Variants in MBD1 observed in about 807,000 individuals in gnomAD.
The protein encoded by MBD1 is methyl-CpG binding domain protein 1.
A neutral mutation model predicts 82.6 loss-of-function variants in MBD1; 25 were observed. The ratio of observed to expected loss-of-function variants is 0.30; its 90% CI spans 0.22 to 0.42. The LOEUF is 0.42. Among genes scored for constraint, MBD1 ranks in the 10% least tolerant of loss-of-function variants. The pLI is 1.00. For missense variants in MBD1, 627 were observed against 819.6 expected, an observed-to-expected ratio of 0.76 and a Z score of 2.87; for synonymous variants, 301 against 303.7, an observed-to-expected ratio of 0.99 and a Z score of 0.09.
At chr18:50,280,959 C>G (rs574163690) in intron 1 of MBD1, among the ~76,000 whole-genome samples, 37 of 152,226 alleles carry the variant, frequency 2.4e-4, no homozygotes, top group Non-Finnish European at 4.7e-4. Context: ...GCTCCTCGTC[C>G]TCTATATGGG....
In MBD1 at chr18:50,275,837, T is replaced by C. The variant is rs1361511129; in HGVS notation, c.661A>G (p.Arg221Gly). The C allele has an allele frequency of 6.2e-7, 1 of 1,614,222 alleles. No individual in the cohort carries two copies. The change falls in exon 7 of 17, where the codon AGG (arginine) becomes GGG (glycine). Residue 221 changes from arginine to glycine, a missense_variant and splice_region_variant. By Grantham distance (125) the Arg-to-Gly change is moderately radical. Transcript: ENST00000269468. ...CTCTTTCCACTTGCCCAACTCACCC[T>C]TTCCACAATCCGGAGGCAGCGTCTC... ...ERRRCLRIVE[R>G]SRGCGVCRGC...
At chr18:50,270,078 G>T (rs752570437) in intron 16 of MBD1, 1 of 1,597,840 alleles carries the variant, frequency 6.3e-7, no homozygotes, top group Non-Finnish European at 8.5e-7. Context: ...GGGTTGGGTG[G>T]TTGGTTCCTG....
downstream of MBD1, among the ~76,000 whole-genome samples, chr18:50,268,092 C>T (rs1183617489): frequency 6.6e-6 from 1 of 152,266 alleles, no homozygotes; most frequent in East Asian, 1.9e-4. Flanking sequence ...GTCTCGGTTT[C>T]CTGGAGTGTC....
downstream of MBD1, among the ~76,000 whole-genome samples, chr18:50,268,404 C>T (rs2034214772): frequency 6.6e-6 from 1 of 152,232 alleles, no homozygotes; most frequent in African/African-American, 2.4e-5. Flanking sequence ...GGGCGAGCTC[C>T]GAAATTTAAC....
Position 50,281,468 on chromosome 18 carries a change from C to T in MBD1, c.-131G>A, listed in dbSNP as rs567108568. On this transcript the variant is annotated 5_prime_UTR_variant, in exon 1 of 17. Transcript: ENST00000269468. The stretch of plus-strand genomic sequence containing the variant: ...CGCCCTCCTCCCCTTCCTCCTCCTC[C>T]GCGGCCGCCTCCTCTGAAGCGGTAG... 15 of 592,754 alleles carry T rather than the reference C, an allele frequency of 2.5e-5. No homozygotes were observed. The highest frequency in any genetic ancestry group is 2.4e-4 in the African/African-American group (13 of 53,766). 36.7% of individuals were successfully genotyped at this position (592,754 alleles called of 1,614,324 possible).
At chr18:50,269,970 T>C (rs1215570613) in intron 16 of MBD1, 152 bp from the exon 17 acceptor site, 5 of 1,561,416 alleles carry the variant, frequency 3.2e-6, no homozygotes, top group Non-Finnish European at 4.4e-6. Flanking sequence ...CCTCTGATTG[T>C]ACCCTAACAT....
chr18:50,276,287 G>A lies in MBD1; in HGVS notation c.516+91C>T, dbSNP rs2037857015. 10 of 1,323,242 alleles carry A rather than the reference G, an allele frequency of 7.6e-6. No individual in the cohort carries two copies. The South Asian group carries it at 1.2e-4, about 16-fold the overall frequency. 82.0% of individuals were successfully genotyped at this position (1,323,242 alleles called of 1,614,324 possible). ...ACCCTATAAAATGACTCTTCATCCT[G>A]TGGACCCATCATCATCCCTTCAGAC... On this transcript the variant is annotated intron_variant, in intron 6 of 16. Coordinates refer to ENST00000269468, the MANE Select transcript of MBD1 (RefSeq NM_015846.4).
intron 16 of MBD1, 188 bp downstream of exon 16, chr18:50,271,281 C>T (rs2035405566): frequency 1.4e-6 from 2 of 1,459,994 alleles, no homozygotes; most frequent in African/African-American, 1.4e-5. Context: ...CACCAACTTT[C>T]TACTCTTTCT....
In MBD1 at chr18:50,269,703, T is replaced by A. The variant is rs573608096; in HGVS notation, c.*148A>T. The A allele has an allele frequency of 1.3e-6, 1 of 780,394 alleles. No individual in the cohort carries two copies. Among genetic ancestry groups the A allele is most frequent in the Admixed American group, 1.7e-5 (1 of 58,924 alleles). The allele number at this position is 780,394 out of a possible 1,614,324, so 48.3% of individuals were successfully genotyped here. On this transcript the variant is annotated 3_prime_UTR_variant, in exon 17 of 17. Coordinates refer to ENST00000269468, the MANE Select transcript of MBD1 (RefSeq NM_015846.4). ...ATCGAAGCTGGAGGTGGTGAGAGACTGACATGGGTTCCAGGCCATCCTCGT... is the reference window on the plus strand; with the variant it reads ...ATCGAAGCTGGAGGTGGTGAGAGACAGACATGGGTTCCAGGCCATCCTCGT...
chr18:50,268,839 A>T, downstream of MBD1: 3 of 871,108 alleles, frequency 3.4e-6, no homozygotes, highest in Non-Finnish European at 4.1e-6. Flanking sequence ...AACACTAAGC[A>T]TGTAAGTAAG....
At chr18:50,273,290 C>A in intron 13 of MBD1, 44 bp downstream of exon 13, 1 of 1,611,520 alleles carries the variant, frequency 6.2e-7, no homozygotes, top group Non-Finnish European at 8.5e-7. Context: ...TGCTTACAGA[C>A]CACTCCGCTA....
rs2034549994 is a variant in MBD1, at chr18:50,269,423, G to A, written c.*428C>T. On this transcript the variant is annotated 3_prime_UTR_variant, in exon 17 of 17. Coordinates refer to ENST00000269468, the MANE Select transcript of MBD1 (RefSeq NM_015846.4). ...ACATTTTGCTTGATAACCGGAGGGC[G>A]GAAGTGAAGCAGCAGCACATTGTTT... The A allele has an allele frequency of 1.8e-5, 16 of 899,802 alleles. No individual in the cohort carries two copies. Among genetic ancestry groups the A allele is most frequent in the Non-Finnish European group, 1.8e-5 (11 of 604,700 alleles). The allele number at this position is 899,802 out of a possible 1,614,324, so 55.7% of individuals were successfully genotyped here. A position where few individuals can be genotyped will look rare whatever the true frequency, so the allele number is the denominator to read the frequency against.
chr18:50,274,469 A>C, intron 10 of MBD1, 116 bp from the exon 11 acceptor site: 3 of 1,148,074 alleles, frequency 2.6e-6, no homozygotes, highest in Non-Finnish European at 3.7e-6. Flanking sequence ...AGCTACTTGC[A>C]TACTAGTCTC....
At chr18:50,277,035 T>C (rs1178150697) in intron 3 of MBD1, 37 bp from the exon 4 acceptor site, 1 of 1,614,022 alleles carries the variant, frequency 6.2e-7, no homozygotes, top group Non-Finnish European at 8.5e-7. Context: ...GGGTCAGTGG[T>C]TGGGTGTTGG....
intron 2 of MBD1, among the ~76,000 whole-genome samples, chr18:50,277,473 T>C (rs1370316472): frequency 1.3e-5 from 2 of 151,810 alleles, no homozygotes; most frequent in Non-Finnish European, 2.9e-5. Context: ...TTCATGTAAG[T>C]AAAAATAAAC....
At chr18:50,279,749 A>T in intron 2 of MBD1, 134 bp downstream of exon 2, 2 of 1,194,560 alleles carry the variant, frequency 1.7e-6, no homozygotes, top group Non-Finnish European at 1.2e-6. Flanking sequence ...TGAAATTCAA[A>T]CATAAAATCC....
intron 8 of MBD1, 46 bp downstream of exon 8, chr18:50,275,554 C>A (rs200510849): frequency 6.2e-7 from 1 of 1,613,748 alleles, no homozygotes; most frequent in African/African-American, 1.3e-5. Flanking sequence ...GAGGCAGCGA[C>A]GATTTTAACA....
Position 50,269,833 on chromosome 18 carries a change from A to T in MBD1, c.*33-15T>A. Reference sequence around the variant, plus strand: ...TGCCCTGCAGACTTCAAGCTCCAGCATTAGATGCAAAGACAACAGCCTTAC... The same window carrying T: ...TGCCCTGCAGACTTCAAGCTCCAGCTTTAGATGCAAAGACAACAGCCTTAC... On this transcript the variant is annotated splice_polypyrimidine_tract_variant and intron_variant, in intron 16 of 16. Coordinates refer to ENST00000269468, the MANE Select transcript of MBD1 (RefSeq NM_015846.4). 2.5e-6 allele frequency: 2 copies of T among 811,792 alleles called. No individual in the cohort carries two copies. The highest frequency in any genetic ancestry group is 2.7e-5 in the South Asian group (2 of 75,174). The allele number at this position is 811,792 out of a possible 1,614,324, so 50.3% of individuals were successfully genotyped here. A position where few individuals can be genotyped will look rare whatever the true frequency, so the allele number is the denominator to read the frequency against.
intron 6 of MBD1, 102 bp downstream of exon 6, chr18:50,276,276 C>T (rs2037851735): frequency 8.1e-7 from 1 of 1,230,130 alleles, no homozygotes; most frequent in Non-Finnish European, 1.2e-6. Flanking sequence ...TATAAAATGA[C>T]TCTTCATCCT....
Sources: allele counts gnomAD v4.1 joint callset (sites outside exome capture counted in the v4.1 genomes callset), GRCh38; gene constraint gnomAD v4.1.1; transcripts MANE v1.5; gene names NCBI Gene and HGNC (gene_info 2026-07-23, HGNC 2026-07-21).